KCNK1: variants seen among roughly 807,000 people sequenced by gnomAD.
KCNK1 encodes potassium two pore domain channel subfamily K member 1.
In KCNK1, 10 loss-of-function variants were observed where a neutral mutation model predicts 22.2. That is an observed-to-expected ratio of 0.45 (90% confidence interval 0.28 to 0.76). KCNK1 has a LOEUF of 0.76. KCNK1 is among the 30% of genes least tolerant of loss of function. The pLI is 0.14. For missense variants in KCNK1, 378 were observed against 421.0 expected (o/e 0.90, Z 0.89); for synonymous variants, 200 against 186.4 (o/e 1.07, Z -0.60).
chr1:233,671,459 G>A lies in KCNK1; in HGVS notation c.940G>A (p.Asp314Asn). ...AGACCAGGCAGCTGGCATGAAAGAG[G>A]ACCAGAAGCAAAATGAGCCTTTTGT... is the stretch of plus-strand genomic sequence containing the variant. ...ITDQAAGMKE[D>N]QKQNEPFVAT... The change falls in exon 3 of 3, where the codon GAC becomes AAC. Residue 314 changes from aspartate to asparagine, a missense_variant. Asp to Asn is a conservative substitution (Grantham distance 23). Transcript: ENST00000366621. 1 of 1,614,172 alleles carries A rather than the reference G, an allele frequency of 6.2e-7. No homozygotes were observed. The highest frequency in any genetic ancestry group is 1.3e-5 in the African/African-American group (1 of 75,046).
At chr1:233,667,154 T>G (rs1027120572) in intron 2 of KCNK1, among the ~76,000 whole-genome samples, 164 bp downstream of exon 2, 1 of 152,102 alleles carries the variant, frequency 6.6e-6, no homozygotes, top group African/African-American at 2.4e-5. Flanking sequence ...AGGGATTCTC[T>G]GCATCAGCCT....
intron 1 of KCNK1, among the ~76,000 whole-genome samples, chr1:233,662,211 G>A (rs1174238945): frequency 6.6e-6 from 1 of 150,394 alleles, no homozygotes; most frequent in Non-Finnish European, 1.5e-5. Context: ...TTCTTTCGTA[G>A]CTGCTGCTGC....
At chr1:233,663,299 TATA>T (rs1658435335) in intron 1 of KCNK1, among the ~76,000 whole-genome samples, 1 of 152,206 alleles carries the variant, frequency 6.6e-6, no homozygotes, top group African/African-American at 2.4e-5. Context: ...AGTGGGAATA[TATA>T]ATATTTTTAC....
intron 1 of KCNK1, among the ~76,000 whole-genome samples, chr1:233,617,433 C>G (rs908357412): frequency 6.6e-6 from 1 of 152,154 alleles, no homozygotes; most frequent in African/African-American, 2.4e-5. Flanking sequence ...ATTTCTCACC[C>G]ATCATAAGGT....
chr1:233,642,068 T>C (rs1372919987), intron 1 of KCNK1, among the ~76,000 whole-genome samples: 1 of 150,162 alleles, frequency 6.7e-6, no homozygotes, highest in Non-Finnish European at 1.5e-5. Context: ...CAATCATCTG[T>C]CTCCTGTTTT....
intron 1 of KCNK1, among the ~76,000 whole-genome samples, chr1:233,653,824 T>C (rs933939827): frequency 6.6e-6 from 1 of 152,118 alleles, no homozygotes; most frequent in Non-Finnish European, 1.5e-5. Context: ...TCTTCTTATA[T>C]ATCTATATAT....
At chr1:233,650,316 T>C (rs961392591) in intron 1 of KCNK1, among the ~76,000 whole-genome samples, 1 of 152,182 alleles carries the variant, frequency 6.6e-6, no homozygotes, top group African/African-American at 2.4e-5. Flanking sequence ...CTATATCAGA[T>C]TCGTTCCCAA....
At chr1:233,627,788 A>T (rs1657716359) in intron 1 of KCNK1, among the ~76,000 whole-genome samples, 1 of 152,222 alleles carries the variant, frequency 6.6e-6, no homozygotes, top group South Asian at 2.1e-4. Flanking sequence ...GAATAAGGAA[A>T]AAAAACTAAA....
intron 1 of KCNK1, among the ~76,000 whole-genome samples, chr1:233,621,739 T>A (rs1002965831): frequency 6.6e-6 from 1 of 152,180 alleles, no homozygotes; most frequent in Admixed American, 6.5e-5. Context: ...GGTTTTTTTT[T>A]AACTATAAAT....
chr1:233,638,707 A>G (rs1657954667), intron 1 of KCNK1, among the ~76,000 whole-genome samples: 1 of 152,164 alleles, frequency 6.6e-6, no homozygotes, highest in Admixed American at 6.5e-5. Flanking sequence ...CCAACCGAGG[A>G]CACACAGCAT....
chr1:233,667,785 G>C (rs1571906636), intron 2 of KCNK1, among the ~76,000 whole-genome samples: 1 of 145,886 alleles, frequency 6.9e-6, no homozygotes, highest in South Asian at 2.2e-4. Context: ...ATAACCAACT[G>C]TTAATTAAAA....
chr1:233,641,076 T>C (rs1480946183), intron 1 of KCNK1, among the ~76,000 whole-genome samples: 1 of 152,190 alleles, frequency 6.6e-6, no homozygotes, highest in African/African-American at 2.4e-5. Context: ...TCTTAAAATC[T>C]AGTGAGTTTA....
At chr1:233,625,824 T>A (rs1241022976) in intron 1 of KCNK1, among the ~76,000 whole-genome samples, 1 of 152,136 alleles carries the variant, frequency 6.6e-6, no homozygotes. Flanking sequence ...GGGAGCTGTG[T>A]TCCAGAACAA....
intron 1 of KCNK1, among the ~76,000 whole-genome samples, chr1:233,618,668 G>A (rs1213152414): frequency 1.3e-5 from 2 of 152,138 alleles, no homozygotes; most frequent in Non-Finnish European, 2.9e-5. Flanking sequence ...GGCAGATCAC[G>A]AGGTCAAGAG....
At chr1:233,659,188 C>T (rs531735306) in intron 1 of KCNK1, among the ~76,000 whole-genome samples, 1 of 151,108 alleles carries the variant, frequency 6.6e-6, no homozygotes, top group African/African-American at 2.4e-5. Flanking sequence ...TTAAATTTTT[C>T]AGTTTTTTTT....
chr1:233,641,146 T>TC (rs1657992883), intron 1 of KCNK1, among the ~76,000 whole-genome samples: 1 of 152,222 alleles, frequency 6.6e-6, no homozygotes, highest in Non-Finnish European at 1.5e-5. Flanking sequence ...CGGAAGACTT[T>TC]CTATGTAGGA....
chr1:233,670,184 A>T (rs969476635), intron 2 of KCNK1, among the ~76,000 whole-genome samples: 1 of 152,130 alleles, frequency 6.6e-6, no homozygotes, highest in African/African-American at 2.4e-5. Flanking sequence ...TTCCCATCAC[A>T]GATTCCAAGC....
At chr1:233,655,203 T>C (rs1016349415) in intron 1 of KCNK1, among the ~76,000 whole-genome samples, 5 of 152,218 alleles carry the variant, frequency 3.3e-5, no homozygotes, top group Non-Finnish European at 7.3e-5. Context: ...TATCCTTTCT[T>C]CTTTTCTTTC....
chr1:233,635,576 T>C (rs1376650859), intron 1 of KCNK1, among the ~76,000 whole-genome samples: 6 of 148,356 alleles, frequency 4.0e-5, no homozygotes, highest in African/African-American at 1.5e-4. Flanking sequence ...AACATGTTAA[T>C]AAGCCATAAG....
Sources: gnomAD v4.1 joint callset for allele counts (sites outside exome capture counted in the v4.1 genomes callset) on GRCh38, gnomAD v4.1.1 for gene constraint, MANE v1.5 for transcripts, NCBI Gene and HGNC (gene_info 2026-07-23, HGNC 2026-07-21) for gene names.